FOXN3: variants seen among roughly 807,000 people sequenced by gnomAD.
The protein encoded by FOXN3 is forkhead box N3, also known as forkhead box protein N3.
A neutral mutation model predicts 38.4 loss-of-function variants in FOXN3; 7 were observed. That is an observed-to-expected ratio of 0.18 (90% CI 0.10 to 0.34). The LOEUF (loss-of-function observed/expected upper bound fraction) is 0.34. FOXN3 is among the 10% of genes least tolerant of loss of function. The pLI is 1.00. For missense variants in FOXN3, 456 were observed against 613.4 expected (o/e 0.74, Z 2.71); for synonymous variants, 230 against 242.2 (o/e 0.95, Z 0.47).
intron 1 of FOXN3, among the ~76,000 whole-genome samples, chr14:89,436,090 C>T (rs1449320795): frequency 6.6e-6 from 1 of 151,566 alleles, no homozygotes; most frequent in Non-Finnish European, 1.5e-5. Flanking sequence ...ATCCTCCTGC[C>T]TCGGCCTCCC....
intron 1 of FOXN3, among the ~76,000 whole-genome samples, chr14:89,611,874 A>C (rs1243038328): frequency 6.6e-6 from 1 of 152,060 alleles, no homozygotes; most frequent in Non-Finnish European, 1.5e-5. Context: ...ACTAATGGTC[A>C]GATGTGAGAA....
chr14:89,537,048 C>G (rs532618686), intron 1 of FOXN3, among the ~76,000 whole-genome samples: 1 of 152,348 alleles, frequency 6.6e-6, no homozygotes, highest in Non-Finnish European at 1.5e-5. Context: ...TGCTGCTCCT[C>G]TCTCCTCTGG....
intron 1 of FOXN3, among the ~76,000 whole-genome samples, chr14:89,598,777 C>T (rs1402254125): frequency 1.3e-5 from 2 of 152,196 alleles, no homozygotes; most frequent in Non-Finnish European, 2.9e-5. Context: ...TACCCACTCC[C>T]CAACCATGAT....
intron 4 of FOXN3, among the ~76,000 whole-genome samples, chr14:89,250,233 T>C (rs1034806788): frequency 1.3e-5 from 2 of 152,122 alleles, no homozygotes; most frequent in Non-Finnish European, 2.9e-5. Context: ...GCCTGAGTCT[T>C]CTGAGTAGCT....
chr14:89,491,564 A>G (rs894245365), intron 1 of FOXN3, among the ~76,000 whole-genome samples: 2 of 152,230 alleles, frequency 1.3e-5, no homozygotes, highest in African/African-American at 4.8e-5. Context: ...AAACACAGTG[A>G]GACGAGAAGC....
chr14:89,421,145 C>CT (rs570024684), upstream of FOXN3, among the ~76,000 whole-genome samples: 6,400 of 108,102 alleles, frequency 0.059, 190 homozygotes, highest in East Asian at 0.09. Flanking sequence ...TTCTTTCTTT[C>CT]TTTTTTTTTT....
At chr14:89,210,588 C>G (rs1884059728) in intron 4 of FOXN3, among the ~76,000 whole-genome samples, 1 of 152,182 alleles carries the variant, frequency 6.6e-6, no homozygotes, top group Non-Finnish European at 1.5e-5. Flanking sequence ...TCAGCCTCTA[C>G]TATATTTATC....
intron 4 of FOXN3, among the ~76,000 whole-genome samples, chr14:89,278,512 G>A (rs1386016346): frequency 2.6e-5 from 4 of 152,176 alleles, no homozygotes; most frequent in African/African-American, 9.7e-5. Flanking sequence ...AGTCCTGCTA[G>A]TGATCCATAA....
At chr14:89,408,059 C>A (rs1251305568) in intron 2 of FOXN3, among the ~76,000 whole-genome samples, 1 of 152,166 alleles carries the variant, frequency 6.6e-6, no homozygotes, top group African/African-American at 2.4e-5. Context: ...GAAAGCCAAG[C>A]TGTCTCTTTT....
intron 3 of FOXN3, among the ~76,000 whole-genome samples, chr14:89,282,446 C>G (rs1213829190): frequency 1.3e-5 from 2 of 152,162 alleles, no homozygotes; most frequent in Admixed American, 1.3e-4. Context: ...GATGATGACA[C>G]CAGCTGATTG....
chr14:89,527,099 G>A (rs1377745424), intron 1 of FOXN3, among the ~76,000 whole-genome samples: 2 of 150,894 alleles, frequency 1.3e-5, no homozygotes, highest in Non-Finnish European at 2.9e-5. Context: ...GGAAGGGGAG[G>A]AAAGGAGAAA....
rs188999423 is a variant in FOXN3, at chr14:89,234,190, G to C, written c.745+46760C>G. On this transcript the variant is annotated intron_variant, in intron 4 of 5. Transcript: ENST00000557258. ...TACAGGGGTATTTCGTGTACTACGT[G>C]TATTAGTTCTAGGGCCACTGCAACA... 2.6e-5 allele frequency among the ~76,000 whole-genome samples: 4 copies of C among 152,348 alleles called. No individual in the cohort carries two copies. In the East Asian group the frequency reaches 7.7e-4, roughly 29 times the overall value.
intron 1 of FOXN3, among the ~76,000 whole-genome samples, chr14:89,428,815 C>A (rs1892099035): frequency 6.6e-6 from 1 of 152,226 alleles, no homozygotes; most frequent in Non-Finnish European, 1.5e-5. Context: ...CGAGTGCCTG[C>A]AGAGGCTACC....
At chr14:89,500,118 G>C (rs952263998) in intron 1 of FOXN3, among the ~76,000 whole-genome samples, 2 of 152,124 alleles carry the variant, frequency 1.3e-5, no homozygotes, top group Non-Finnish European at 2.9e-5. Flanking sequence ...CTCCCAAAGT[G>C]CTGGGGTTAC....
chr14:89,483,188 C>G (rs1354493708), intron 1 of FOXN3, among the ~76,000 whole-genome samples: 1 of 152,084 alleles, frequency 6.6e-6, no homozygotes, highest in African/African-American at 2.4e-5. Context: ...GCCTGGGAGG[C>G]AGAGTGGGAC....
intron 2 of FOXN3, among the ~76,000 whole-genome samples, chr14:89,375,569 A>T (rs115228334): frequency 8.8e-4 from 134 of 152,292 alleles, no homozygotes; most frequent in African/African-American, 3.1e-3. Context: ...TATGCACATT[A>T]TAGAATAAAG....
At chr14:89,439,756 C>T (rs1286940900) in intron 1 of FOXN3, among the ~76,000 whole-genome samples, 1 of 151,020 alleles carries the variant, frequency 6.6e-6, no homozygotes, top group African/African-American at 2.4e-5. Flanking sequence ...CCCAGGTTCA[C>T]GCCATTCTCC....
chr14:89,284,354 G>C, intron 3 of FOXN3: 5 of 412,662 alleles, frequency 1.2e-5, no homozygotes, highest in Non-Finnish European at 2.4e-5. Flanking sequence ...CCTGAGAGGT[G>C]AAAGGACTTG....
At chr14:89,295,538 A>G (rs113110557) in intron 3 of FOXN3, among the ~76,000 whole-genome samples, 2,141 of 152,194 alleles carry the variant, frequency 0.014, 46 homozygotes, top group African/African-American at 0.049. Flanking sequence ...CGGGAATGCT[A>G]CCTGCACCTC....
Sources: gnomAD v4.1 joint callset for allele counts (sites outside exome capture counted in the v4.1 genomes callset) on GRCh38, gnomAD v4.1.1 for gene constraint, MANE v1.5 for transcripts, NCBI Gene and HGNC (gene_info 2026-07-23, HGNC 2026-07-21) for gene names.